ROR2: variants seen among roughly 807,000 people sequenced by gnomAD.
The protein encoded by ROR2 is ROR family WNT receptor 2.
ROR2 carries 33 observed loss-of-function variants against 74.9 expected under a neutral mutation model. The ratio of observed to expected loss-of-function variants is 0.44; its 90% CI spans 0.33 to 0.59. ROR2 has a LOEUF of 0.59. Among genes scored for constraint, ROR2 ranks in the 20% least tolerant of loss-of-function variants. The probability of loss-of-function intolerance (pLI) is 0.02; values close to 1 mark genes in which losing one functional copy is unlikely to be tolerated. For synonymous variants in ROR2, 586 were observed against 558.7 expected (o/e 1.05, Z -0.69); for missense variants, 1,216 against 1,313.8 (o/e 0.93, Z 1.15).
chr9:91,906,169 G>A (rs541211478), intron 1 of ROR2, among the ~76,000 whole-genome samples: 1 of 152,260 alleles, frequency 6.6e-6, no homozygotes, highest in East Asian at 1.9e-4. Flanking sequence ...GCAGAAGGAG[G>A]TGGCAGGGCT....
At chr9:91,808,805 A>T (rs549583077) in intron 1 of ROR2, among the ~76,000 whole-genome samples, 3,950 of 142,672 alleles carry the variant, frequency 0.028, 180 homozygotes, top group African/African-American at 0.093. Flanking sequence ...AAATATACAT[A>T]TTTTTTTTTA....
intron 7 of ROR2, among the ~76,000 whole-genome samples, chr9:91,730,330 CA>C (rs1404832440): frequency 6.6e-6 from 1 of 152,128 alleles, no homozygotes; most frequent in East Asian, 1.9e-4. Context: ...GGGGGTGGGC[CA>C]AAACGCAAAC....
At chr9:91,811,619 C>T (rs553160325) in intron 1 of ROR2, among the ~76,000 whole-genome samples, 25 of 152,356 alleles carry the variant, frequency 1.6e-4, no homozygotes, top group African/African-American at 5.8e-4. Context: ...CAACTACCTC[C>T]TCATGCAGCT....
chr9:91,770,966 C>T (rs1245429856), intron 2 of ROR2, among the ~76,000 whole-genome samples: 1 of 152,158 alleles, frequency 6.6e-6, no homozygotes, highest in South Asian at 2.1e-4. Flanking sequence ...GCATGGTCTC[C>T]ATGTCAGCTC....
intron 1 of ROR2, among the ~76,000 whole-genome samples, chr9:91,784,693 G>A (rs1262909400): frequency 1.3e-5 from 2 of 152,286 alleles, no homozygotes; most frequent in South Asian, 2.1e-4. Flanking sequence ...AAAGTTTACC[G>A]AATTTTTAAA....
intron 1 of ROR2, chr9:91,887,025 C>T (rs1830301345): frequency 6.6e-6 from 1 of 152,188 alleles, no homozygotes; most frequent in East Asian, 1.9e-4. Flanking sequence ...ACTTCTCTGG[C>T]TCCCAGAGCA....
At chr9:91,736,545 G>A (rs889371734) in intron 5 of ROR2, among the ~76,000 whole-genome samples, 5 of 152,212 alleles carry the variant, frequency 3.3e-5, no homozygotes, top group African/African-American at 4.8e-5. Flanking sequence ...CTGGGGCACC[G>A]GCCATCTGCA....
chr9:91,917,199 GACT>G (rs1387293507), intron 1 of ROR2, among the ~76,000 whole-genome samples: 3 of 152,292 alleles, frequency 2.0e-5, no homozygotes, highest in Admixed American at 1.3e-4. Context: ...TCTTCAAACA[GACT>G]CTCTGTTCTA....
intron 2 of ROR2, among the ~76,000 whole-genome samples, chr9:91,770,899 G>C (rs542707893): frequency 9.2e-5 from 14 of 152,190 alleles, no homozygotes; most frequent in South Asian, 4.2e-4. Flanking sequence ...ACAATAATTC[G>C]GCCGATATGA....
chr9:91,760,846 C>A (rs1825893625), intron 2 of ROR2, among the ~76,000 whole-genome samples: 1 of 152,064 alleles, frequency 6.6e-6, no homozygotes, highest in Non-Finnish European at 1.5e-5. Context: ...CTGAAGTATT[C>A]AGAAAAGCTT....
intron 1 of ROR2, among the ~76,000 whole-genome samples, chr9:91,776,127 G>A (rs1233283522): frequency 6.6e-6 from 1 of 152,128 alleles, no homozygotes; most frequent in East Asian, 1.9e-4. Flanking sequence ...GGAAGGAGAG[G>A]GAGAGAAAGA....
At chr9:91,757,670 C>T in intron 2 of ROR2, 111 bp from the exon 3 acceptor site, 1 of 1,194,528 alleles carries the variant, frequency 8.4e-7, no homozygotes, top group Non-Finnish European at 1.2e-6. Flanking sequence ...ATTTTTGTCA[C>T]CTACTAAAAT....
rs11420421 is a variant in ROR2 at position 91,839,247 on chromosome 9, C to CGG, written c.98-63431_98-63430dup. On this transcript the variant is annotated intron_variant, in intron 1 of 8. Transcript: ENST00000375708. ...GGCCTGATTCCTGGTGCTGTCAGAT[C>CGG]GGGGGTGTGTGTGTGTGTGTGTGTG... Among the ~76,000 whole-genome samples the CGG allele has an allele frequency of 5.6e-3, 550 of 97,900 alleles. 2 individuals carry two copies. Among genetic ancestry groups the CGG allele is most frequent in the Middle Eastern group, 0.04 (9 of 226 alleles). 64.2% of individuals were successfully genotyped at this position (97,900 alleles called of 152,430 possible).
chr9:91,826,306 T>G (rs1232136065), intron 1 of ROR2, among the ~76,000 whole-genome samples: 1 of 152,188 alleles, frequency 6.6e-6, no homozygotes, highest in Non-Finnish European at 1.5e-5. Context: ...CCCAGGTATA[T>G]CTCCACACAT....
At chr9:91,821,461 T>C (rs1828136940) in intron 1 of ROR2, among the ~76,000 whole-genome samples, 1 of 152,188 alleles carries the variant, frequency 6.6e-6, no homozygotes, top group Non-Finnish European at 1.5e-5. Flanking sequence ...CTTTCCACAT[T>C]GGCTGCCTGG....
At chr9:91,847,789 A>AGAATCACACT (rs1177763147) in intron 1 of ROR2, among the ~76,000 whole-genome samples, 1 of 152,072 alleles carries the variant, frequency 6.6e-6, no homozygotes, top group Non-Finnish European at 1.5e-5. Flanking sequence ...GCTGCCACCA[A>AGAATCACACT]GAATCACACT....
At chr9:91,782,734 C>T (rs1225390046) in intron 1 of ROR2, among the ~76,000 whole-genome samples, 2 of 152,238 alleles carry the variant, frequency 1.3e-5, no homozygotes, top group Non-Finnish European at 2.9e-5. Flanking sequence ...CCACCTCCAT[C>T]AACCAGGAAT....
At chr9:91,750,637 T>C (rs919331653) in intron 4 of ROR2, among the ~76,000 whole-genome samples, 3 of 152,138 alleles carry the variant, frequency 2.0e-5, no homozygotes, top group African/African-American at 7.2e-5. Flanking sequence ...GTGCTCACAG[T>C]ATGAGGACTA....
chr9:91,819,209 G>A (rs980201393), intron 1 of ROR2, among the ~76,000 whole-genome samples: 1 of 152,208 alleles, frequency 6.6e-6, no homozygotes, highest in African/African-American at 2.4e-5. Flanking sequence ...CCCAAGGCCA[G>A]GACTGACACA....
Sources: allele counts gnomAD v4.1 joint callset (sites outside exome capture counted in the v4.1 genomes callset), GRCh38; gene constraint gnomAD v4.1.1; transcripts MANE v1.5; gene names NCBI Gene and HGNC (gene_info 2026-07-23, HGNC 2026-07-21).